Variants in TRPC4 observed in about 807,000 individuals in gnomAD.
TRPC4 encodes the protein transient receptor potential cation channel subfamily C member 4.
Under a neutral mutation model 99.4 loss-of-function variants are expected in TRPC4, and 49 were observed. The observed-to-expected ratio is 0.49, with a 90% CI of 0.39 to 0.63. TRPC4 has a LOEUF of 0.63. TRPC4 is among the 20% of genes least tolerant of loss of function. The pLI, the probability that TRPC4 is intolerant of heterozygous loss-of-function variation, is 0.00. For synonymous variants in TRPC4, 454 were observed against 425.9 expected (o/e 1.07, Z -0.81); for missense variants, 898 against 1,152.9 (o/e 0.78, Z 3.20).
chr13:37,664,371 C>T lies in TRPC4; in HGVS notation c.1375-642G>A, dbSNP rs1025918715. Among the ~76,000 whole-genome samples, 6 of 151,838 alleles carry T rather than the reference C, an allele frequency of 4.0e-5. No individual in the cohort carries two copies. The South Asian group carries it at 1.0e-3, about 26-fold the overall frequency. On this transcript the variant is annotated intron_variant, in intron 5 of 10. Coordinates refer to ENST00000379705, the MANE Select transcript of TRPC4 (RefSeq NM_016179.4). ...GGCGAATTACCTGAGGTTGGGAGTT[C>T]GCGACCAGCCTGACCAACATGGAGA...
At chr13:37,659,103 A>G (rs998629166) in intron 6 of TRPC4, among the ~76,000 whole-genome samples, 3 of 152,144 alleles carry the variant, frequency 2.0e-5, no homozygotes, top group Admixed American at 6.5e-5. Flanking sequence ...GATACAGAGG[A>G]TGTTCGTCTC....
At chr13:37,638,421 T>C (rs192465816) in intron 10 of TRPC4, among the ~76,000 whole-genome samples, 3 of 152,306 alleles carry the variant, frequency 2.0e-5, no homozygotes, top group East Asian at 3.9e-4. Context: ...CTATTTTCTA[T>C]GTTAAATATC....
chr13:37,742,859 C>T (rs9532113), intron 3 of TRPC4, among the ~76,000 whole-genome samples: 47,936 of 151,950 alleles, frequency 0.32, 8,905 homozygotes, highest in East Asian at 0.76. Context: ...AGAATACATG[C>T]GGTAAAACAC....
intron 3 of TRPC4, among the ~76,000 whole-genome samples, chr13:37,732,113 A>T (rs1331055883): frequency 3.9e-5 from 6 of 152,180 alleles, no homozygotes; most frequent in African/African-American, 1.4e-4. Context: ...GTTGCTAAAG[A>T]TAGCAAAATA....
chr13:37,734,030 T>C (rs959257701), intron 3 of TRPC4, among the ~76,000 whole-genome samples: 1 of 152,074 alleles, frequency 6.6e-6, no homozygotes, highest in African/African-American at 2.4e-5. Context: ...CCAGCAGAGA[T>C]AAAATGAGGG....
At chr13:37,652,179 A>T (rs1360792911) in intron 7 of TRPC4, among the ~76,000 whole-genome samples, 2 of 152,232 alleles carry the variant, frequency 1.3e-5, no homozygotes, top group Non-Finnish European at 2.9e-5. Context: ...TAGATTTGGG[A>T]CAGCCAGTCT....
At chr13:37,687,608 T>A (rs901029389) in intron 4 of TRPC4, among the ~76,000 whole-genome samples, 1 of 152,232 alleles carries the variant, frequency 6.6e-6, no homozygotes, top group Non-Finnish European at 1.5e-5. Flanking sequence ...ATGCTCTAGT[T>A]TTCATGTAAT....
chr13:37,763,846 T>C (rs1453226428), intron 2 of TRPC4, among the ~76,000 whole-genome samples: 1 of 151,426 alleles, frequency 6.6e-6, no homozygotes, highest in African/African-American at 2.4e-5. Flanking sequence ...AATTTTGACG[T>C]TGGAGGTAGA....
chr13:37,742,406 G>A (rs956725340), intron 3 of TRPC4, among the ~76,000 whole-genome samples: 1 of 152,160 alleles, frequency 6.6e-6, no homozygotes, highest in South Asian at 2.1e-4. Context: ...TCATTCAGGT[G>A]CATTCATTAC....
intron 5 of TRPC4, among the ~76,000 whole-genome samples, chr13:37,671,012 T>C (rs568197639): frequency 6.6e-6 from 1 of 152,164 alleles, no homozygotes; most frequent in Admixed American, 6.5e-5. Context: ...AAGATCCTTG[T>C]TTACATGCAT....
chr13:37,827,476 G>A (rs1958266609), intron 1 of TRPC4, among the ~76,000 whole-genome samples: 2 of 152,152 alleles, frequency 1.3e-5, no homozygotes, highest in South Asian at 4.1e-4. Flanking sequence ...CTGTTTGTTA[G>A]TTTTCCTTCT....
chr13:37,796,210 A>C (rs201865075), intron 1 of TRPC4, among the ~76,000 whole-genome samples: 1 of 152,180 alleles, frequency 6.6e-6, no homozygotes. Context: ...CAAGAACAAC[A>C]TAATAACAAT....
At chr13:37,717,173 T>G (rs965037405) in intron 3 of TRPC4, among the ~76,000 whole-genome samples, 2 of 152,164 alleles carry the variant, frequency 1.3e-5, no homozygotes, top group Non-Finnish European at 2.9e-5. Flanking sequence ...TTTCAAAAAT[T>G]TAATGATATA....
chr13:37,675,750 A>T (rs1176268238), intron 4 of TRPC4, among the ~76,000 whole-genome samples: 1 of 152,164 alleles, frequency 6.6e-6, no homozygotes, highest in Non-Finnish European at 1.5e-5. Flanking sequence ...GGCATCGATC[A>T]TGGAGAAAGT....
intron 4 of TRPC4, among the ~76,000 whole-genome samples, chr13:37,691,050 T>C (rs1004096293): frequency 6.6e-6 from 1 of 152,150 alleles, no homozygotes; most frequent in Non-Finnish European, 1.5e-5. Context: ...ATTTTAACCA[T>C]GGCTATAATA....
intron 3 of TRPC4, among the ~76,000 whole-genome samples, chr13:37,702,254 A>C (rs7139998): frequency 0.9 from 136,481 of 152,186 alleles, 61,400 homozygotes; most frequent in Middle Eastern, 0.95. Flanking sequence ...TCAGTAATTT[A>C]TTGTGCAATG....
chr13:37,828,221 A>G (rs1306341778), intron 1 of TRPC4, among the ~76,000 whole-genome samples: 6 of 152,104 alleles, frequency 3.9e-5, no homozygotes, highest in Non-Finnish European at 7.4e-5. Context: ...AAATGCAGAA[A>G]TCACCCGTCT....
At chr13:37,763,773 A>G (rs1292099134) in intron 2 of TRPC4, among the ~76,000 whole-genome samples, 1 of 151,894 alleles carries the variant, frequency 6.6e-6, no homozygotes, top group South Asian at 2.1e-4. Flanking sequence ...GTAACATCAC[A>G]AAGGATGAGG....
chr13:37,837,322 A>G (rs1236874914), intron 1 of TRPC4, among the ~76,000 whole-genome samples: 1 of 152,214 alleles, frequency 6.6e-6, no homozygotes, highest in East Asian at 1.9e-4. Flanking sequence ...AGAATGGTGT[A>G]TCCACCAACA....
Sources: allele counts gnomAD v4.1 joint callset (sites outside exome capture counted in the v4.1 genomes callset), GRCh38; gene constraint gnomAD v4.1.1; transcripts MANE v1.5; gene names NCBI Gene and HGNC (gene_info 2026-07-23, HGNC 2026-07-21).